Variants in DPP10 observed in about 807,000 individuals in gnomAD.
DPP10 encodes dipeptidyl peptidase like 10, also known as inactive dipeptidyl peptidase 10.
A neutral mutation model predicts 120.9 loss-of-function variants in DPP10; 33 were observed. The observed-to-expected ratio is 0.27, with a 90% CI of 0.21 to 0.37. DPP10 has a LOEUF of 0.37. DPP10 is among the 10% of genes least tolerant of loss of function. The probability of loss-of-function intolerance (pLI) is 1.00; values close to 1 mark genes in which losing one functional copy is unlikely to be tolerated. For missense variants in DPP10, 816 were observed against 942.8 expected (o/e 0.87, Z 1.76); for synonymous variants, 337 against 326.1 (o/e 1.03, Z -0.36).
At chr2:115,181,407 T>G (rs978441770) in intron 1 of DPP10, among the ~76,000 whole-genome samples, 3 of 152,214 alleles carry the variant, frequency 2.0e-5, no homozygotes, top group Admixed American at 6.5e-5. Context: ...TTCAAGTGTG[T>G]TGTTTATCTT....
At chr2:114,899,584 T>G (rs916344484) in intron 1 of DPP10, among the ~76,000 whole-genome samples, 2 of 150,506 alleles carry the variant, frequency 1.3e-5, no homozygotes, top group Admixed American at 6.7e-5. Flanking sequence ...TTTTCATGGG[T>G]TTTTGAAGCT....
intron 1 of DPP10, among the ~76,000 whole-genome samples, chr2:114,827,079 G>A (rs1202349836): frequency 6.6e-6 from 1 of 152,002 alleles, no homozygotes; most frequent in Non-Finnish European, 1.5e-5. Context: ...TTGGGGGTCA[G>A]GAGGGGGCGA....
intron 2 of DPP10, among the ~76,000 whole-genome samples, chr2:115,322,549 A>G (rs1432725124): frequency 6.6e-6 from 1 of 152,156 alleles, no homozygotes; most frequent in Admixed American, 6.6e-5. Context: ...TCTTATTGTG[A>G]TAAACCTGGA....
chr2:114,726,194 C>T (rs189968868), intron 1 of DPP10, among the ~76,000 whole-genome samples: 1,970 of 151,230 alleles, frequency 0.013, 16 homozygotes, highest in Middle Eastern at 0.034. Context: ...CGAGATTGCA[C>T]CACTGCACTC....
At chr2:114,962,815 G>T (rs1259870488) in intron 1 of DPP10, among the ~76,000 whole-genome samples, 2 of 152,100 alleles carry the variant, frequency 1.3e-5, no homozygotes, top group African/African-American at 4.8e-5. Flanking sequence ...AAATCACTTG[G>T]TTTTCTCCAT....
intron 5 of DPP10, among the ~76,000 whole-genome samples, chr2:115,681,789 TTTCTCTTC>T (rs764819819): frequency 0.15 from 11,010 of 72,786 alleles, 583 homozygotes; most frequent in Non-Finnish European, 0.26. Context: ...TCTTTCTTTC[TTTCTCTTC>T]CTTCCTTCCT....
intron 1 of DPP10, among the ~76,000 whole-genome samples, chr2:115,171,721 A>G (rs1251352038): frequency 6.6e-6 from 1 of 151,796 alleles, no homozygotes; most frequent in African/African-American, 2.4e-5. Context: ...AACCTTAAAA[A>G]AAAAAAACAA....
At chr2:115,347,409 T>G (rs1252756140) in intron 3 of DPP10, among the ~76,000 whole-genome samples, 1 of 152,174 alleles carries the variant, frequency 6.6e-6, no homozygotes, top group Non-Finnish European at 1.5e-5. Context: ...TGACAGCTCC[T>G]ACACAGAAAA....
At chr2:115,492,082 A>G (rs2076154893) in intron 3 of DPP10, among the ~76,000 whole-genome samples, 2 of 152,262 alleles carry the variant, frequency 1.3e-5, no homozygotes, top group South Asian at 4.1e-4. Flanking sequence ...TCAATAAATA[A>G]ATAAGTACAT....
intron 7 of DPP10, among the ~76,000 whole-genome samples, chr2:115,714,667 AC>A (rs200793084): frequency 0.011 from 1,666 of 152,238 alleles, 35 homozygotes; most frequent in African/African-American, 0.039. Flanking sequence ...AGCATTTTCA[AC>A]ATGTGTCATC....
intron 1 of DPP10, among the ~76,000 whole-genome samples, chr2:115,046,595 G>T (rs1040635543): frequency 2.0e-5 from 3 of 152,080 alleles, no homozygotes; most frequent in African/African-American, 4.8e-5. Context: ...ACCTTAGTTT[G>T]TACTTTGAAT....
At chr2:114,871,626 T>G (rs754613193) in intron 1 of DPP10, among the ~76,000 whole-genome samples, 1 of 152,200 alleles carries the variant, frequency 6.6e-6, no homozygotes, top group Non-Finnish European at 1.5e-5. Flanking sequence ...TTATTTTTAT[T>G]TTTTTAAAAT....
intron 1 of DPP10, among the ~76,000 whole-genome samples, chr2:114,902,178 C>T (rs775954589): frequency 1.3e-5 from 2 of 152,188 alleles, no homozygotes; most frequent in Non-Finnish European, 2.9e-5. Flanking sequence ...AATCATTTAT[C>T]ATCCACCTTA....
At chr2:114,924,194 C>A (rs1695421570) in intron 1 of DPP10, among the ~76,000 whole-genome samples, 1 of 152,084 alleles carries the variant, frequency 6.6e-6, no homozygotes, top group African/African-American at 2.4e-5. Flanking sequence ...CTGGGCTCAC[C>A]ATAAATCCAT....
intron 3 of DPP10, among the ~76,000 whole-genome samples, chr2:115,422,036 T>G (rs548717240): frequency 6.6e-6 from 1 of 152,190 alleles, no homozygotes; most frequent in South Asian, 2.1e-4. Flanking sequence ...ACTCACTAGG[T>G]TTGATTCCTG....
At chr2:115,183,116 A>G (rs1486437676) in intron 1 of DPP10, among the ~76,000 whole-genome samples, 1 of 152,230 alleles carries the variant, frequency 6.6e-6, no homozygotes, top group Admixed American at 6.5e-5. Flanking sequence ...TGGAATAATA[A>G]GCCTTGTAGA....
intron 1 of DPP10, among the ~76,000 whole-genome samples, chr2:115,123,749 T>C (rs1329215319): frequency 1.3e-5 from 2 of 152,122 alleles, no homozygotes; most frequent in African/African-American, 4.8e-5. Flanking sequence ...GGCAGCCCTC[T>C]CCTGCTGTGC....
intron 5 of DPP10, among the ~76,000 whole-genome samples, chr2:115,533,562 T>C (rs1485249514): frequency 6.6e-6 from 1 of 152,134 alleles, no homozygotes; most frequent in African/African-American, 2.4e-5. Flanking sequence ...TAGTGAATTA[T>C]CTAATTAAAG....
intron 3 of DPP10, among the ~76,000 whole-genome samples, chr2:115,486,342 G>C (rs989933641): frequency 2.0e-5 from 3 of 152,126 alleles, no homozygotes; most frequent in Admixed American, 6.6e-5. Flanking sequence ...GAAAGACATA[G>C]CTTTATCAAA....
Sources: allele counts gnomAD v4.1 joint callset (sites outside exome capture counted in the v4.1 genomes callset), GRCh38; gene constraint gnomAD v4.1.1; transcripts MANE v1.5; gene names NCBI Gene and HGNC (gene_info 2026-07-23, HGNC 2026-07-21).